CNTRL: variants seen among roughly 807,000 people sequenced by gnomAD.
CNTRL encodes the protein 110 kDa centrosomal protein.
In CNTRL, 233 loss-of-function variants were observed where a neutral mutation model predicts 303.7. The ratio of observed to expected loss-of-function variants is 0.77; its 90% confidence interval spans 0.69 to 0.86. CNTRL has a LOEUF of 0.86. Among genes scored for constraint, CNTRL ranks in the 40% least tolerant of loss-of-function variants. The pLI, the probability that CNTRL is intolerant of heterozygous loss-of-function variation, is 0.00. For synonymous variants in CNTRL, 900 were observed against 922.2 expected, an observed-to-expected ratio of 0.98 and a Z score of 0.44; for missense variants, 2,524 against 2,650.6, an observed-to-expected ratio of 0.95 and a Z score of 1.05.
intron 22 of CNTRL, 77 bp downstream of exon 22, chr9:121,145,462 T>C: frequency 3.5e-6 from 5 of 1,411,482 alleles, no homozygotes; most frequent in Non-Finnish European, 4.8e-6. Flanking sequence ...TTTTTACCTT[T>C]AACTGTTACA....
intron 7 of CNTRL, among the ~76,000 whole-genome samples, chr9:121,106,686 T>G (rs1459841483): frequency 6.6e-6 from 1 of 152,162 alleles, no homozygotes. Flanking sequence ...GCCTGTCTGT[T>G]CATTTGAAAT....
At chr9:121,164,421 G>A (rs1164898657) in intron 34 of CNTRL, among the ~76,000 whole-genome samples, 1 of 152,104 alleles carries the variant, frequency 6.6e-6, no homozygotes, top group Non-Finnish European at 1.5e-5. Context: ...CTGGTAAATA[G>A]ATAAACAAAT....
In CNTRL at chr9:121,075,295, G is replaced by C. The variant is rs529173317; in HGVS notation, c.-205+228G>C. 1.5e-4 allele frequency among the ~76,000 whole-genome samples: 23 copies of C among 152,348 alleles called. No homozygotes were observed. In the East Asian group the frequency reaches 4.4e-3, roughly 29 times the overall value. The stretch of plus-strand genomic sequence containing the variant: ...GGAGGTTTGGATGGGAAGAGGTGGG[G>C]ACGGCGGGGGCGATTGGGGATGAAG... On this transcript the variant is annotated intron_variant, in intron 1 of 43. Transcript: ENST00000373855.
At chr9:121,099,080 A>T (rs1452603219) in intron 7 of CNTRL, among the ~76,000 whole-genome samples, 1 of 152,186 alleles carries the variant, frequency 6.6e-6, no homozygotes, top group Non-Finnish European at 1.5e-5. Context: ...TTCTCCCAGC[A>T]CGGAGTTTGA....
chr9:121,145,000 T>G, intron 21 of CNTRL, 41 bp downstream of exon 21: 1 of 1,524,172 alleles, frequency 6.6e-7, no homozygotes. Flanking sequence ...TCTCAGATTC[T>G]TATCAGTTCC....
At chr9:121,119,642 C>T (rs1011402256) in intron 12 of CNTRL, among the ~76,000 whole-genome samples, 14 of 151,616 alleles carry the variant, frequency 9.2e-5, no homozygotes, top group African/African-American at 2.4e-4. Context: ...ATTACAGGCG[C>T]GCACCACCAC....
At chr9:121,113,870 G>C (rs2049862575) in intron 10 of CNTRL, 146 bp downstream of exon 10, 1 of 514,350 alleles carries the variant, frequency 1.9e-6, no homozygotes, top group Non-Finnish European at 3.3e-6. Flanking sequence ...TGATTATCAA[G>C]CAGATTTATC....
At chr9:121,154,987 AAG>A in intron 27 of CNTRL, 74 bp downstream of exon 27, 3 of 1,298,102 alleles carry the variant, frequency 2.3e-6, no homozygotes, top group Non-Finnish European at 3.4e-6. Context: ...AAGGATTAGA[AAG>A]AGAATGTGTG....
At chr9:121,107,718 T>C in intron 7 of CNTRL, 84 bp from the exon 8 acceptor site, 1 of 919,918 alleles carries the variant, frequency 1.1e-6, no homozygotes, top group South Asian at 2.0e-5. Context: ...TTTAGACTTT[T>C]TTCACTATTG....
chr9:121,088,455 T>C lies in CNTRL; in HGVS notation c.129T>C (p.Thr43=). ...TTTCACCTTTGATTGGATCAGAGAC[T>C]CTACCTTTTCATTCTGGAGGACAGT... is the stretch of plus-strand genomic sequence containing the variant. ...RSLSPLIGSE[T]LPFHSGGQWC... Residue 43 remains threonine (T), a synonymous_variant, in exon 3 of 44, where the codon ACT becomes ACC. Coordinates refer to ENST00000373855, the MANE Select transcript of CNTRL (RefSeq NM_007018.6). 6.2e-7 allele frequency: 1 copy of C among 1,612,942 alleles called. No individual in the cohort carries two copies. The highest frequency in any genetic ancestry group is 8.5e-7 in the Non-Finnish European group (1 of 1,178,924).
intron 6 of CNTRL, among the ~76,000 whole-genome samples, chr9:121,097,964 A>G (rs1190099949): frequency 6.6e-6 from 1 of 152,196 alleles, no homozygotes; most frequent in Non-Finnish European, 1.5e-5. Flanking sequence ...AAGATTTACC[A>G]AAATATTTTT....
intron 11 of CNTRL, among the ~76,000 whole-genome samples, chr9:121,115,747 A>T (rs1252078404): frequency 6.6e-6 from 1 of 152,248 alleles, no homozygotes; most frequent in Non-Finnish European, 1.5e-5. Context: ...TAGTTTTTAA[A>T]TGGGTAAAAA....
intron 4 of CNTRL, among the ~76,000 whole-genome samples, chr9:121,090,957 C>G (rs2048543634): frequency 6.6e-6 from 1 of 152,212 alleles, no homozygotes; most frequent in South Asian, 2.1e-4. Flanking sequence ...TCACGTCTTA[C>G]ATGGATGGCA....
chr9:121,167,747 C>T (rs2053151984), intron 37 of CNTRL, 70 bp downstream of exon 37: 1 of 1,359,502 alleles, frequency 7.4e-7, no homozygotes, highest in Non-Finnish European at 1.0e-6. Context: ...TTTCCCCTGG[C>T]AGAAAGCTGC....
In CNTRL at chr9:121,144,951, G is replaced by C. The variant is rs764239821; in HGVS notation, c.3160G>C (p.Gly1054Arg). 1.1e-5 allele frequency: 17 copies of C among 1,612,862 alleles called. No homozygotes were observed. Among genetic ancestry groups the C allele is most frequent in the Middle Eastern group, 1.7e-4 (1 of 5,840 alleles). The part of the protein sequence containing the change: ...ELLQNLLRQK[G>R]EQFRLEMEKT... Reference sequence around the variant, plus strand: ...CCTGCAGAATCTCCTCAGGCAGAAGGGGGAGCAGGTCAGTGTTGGTACCCA... The same window carrying C: ...CCTGCAGAATCTCCTCAGGCAGAAGCGGGAGCAGGTCAGTGTTGGTACCCA... The change falls in exon 21 of 44, where the codon GGG (glycine) becomes CGG (arginine). Residue 1054 changes from glycine (G) to arginine (R), a missense_variant. Gly to Arg is a moderately radical substitution (Grantham distance 125). Coordinates refer to ENST00000373855, the MANE Select transcript of CNTRL (RefSeq NM_007018.6).
In CNTRL at chr9:121,150,368, A is replaced by G. The variant is rs771296962; in HGVS notation, c.3848A>G (p.Tyr1283Cys). The change falls in exon 25 of 44, where the codon TAT (tyrosine) becomes TGT (cysteine). Residue 1283 changes from tyrosine (Y) to cysteine (C), a missense_variant. Tyr to Cys is a radical substitution (Grantham distance 194). Transcript: ENST00000373855. ...CCTCTCACCCCTGGCACTGTTGTTT[A>G]TGGCCCACCTCCTGCTGGGGCCCCC... The part of the protein sequence containing the change: ...SRPLTPGTVV[Y>C]GPPPAGAPMV... 39 of 1,614,130 alleles carry G rather than the reference A, an allele frequency of 2.4e-5. No homozygotes were observed. Among genetic ancestry groups the G allele is most frequent in the Non-Finnish European group, 3.1e-5 (37 of 1,180,002 alleles).
intron 11 of CNTRL, among the ~76,000 whole-genome samples, chr9:121,117,429 AATAAG>A (rs1170312225): frequency 6.6e-6 from 1 of 152,186 alleles, no homozygotes; most frequent in African/African-American, 2.4e-5. Flanking sequence ...AACTGTTAGA[AATAAG>A]AGATAGAGTA....
chr9:121,162,005 T>C (rs755491174), intron 33 of CNTRL, 34 bp downstream of exon 33: 1 of 1,612,754 alleles, frequency 6.2e-7, no homozygotes, highest in Non-Finnish European at 8.5e-7. Context: ...CTTAAGAAAC[T>C]GAAGTCTTTC....
rs935719010 is a variant in CNTRL at position 121,175,078 on chromosome 9, A to T, written c.6808A>T (p.Thr2270Ser). ...AEVLIKGKRQ[T>S]EGTLHSLRRQ... ...AGTATTAATTAAAGGAAAGCGGCAG[A>T]CAGAGGGCACTTTACACAGTTTGAG... is the stretch of plus-strand genomic sequence containing the variant. Residue 2270 changes from threonine (T) to serine (S), a missense_variant, in exon 43 of 44, where the codon ACA becomes TCA. Coordinates refer to ENST00000373855, the MANE Select transcript of CNTRL (RefSeq NM_007018.6). 2 of 1,613,872 alleles carry T rather than the reference A, an allele frequency of 1.2e-6. No individual in the cohort carries two copies. The highest frequency in any genetic ancestry group is 2.2e-5 in the East Asian group (1 of 44,874).
Sources: gnomAD v4.1 joint callset for allele counts (sites outside exome capture counted in the v4.1 genomes callset) on GRCh38, gnomAD v4.1.1 for gene constraint, MANE v1.5 for transcripts, NCBI Gene and HGNC (gene_info 2026-07-23, HGNC 2026-07-21) for gene names.